PDE6C: variants seen among roughly 807,000 people sequenced by gnomAD.
PDE6C encodes the protein phosphodiesterase 6C, also known as cone cGMP-specific 3',5'-cyclic phosphodiesterase subunit alpha'.
A neutral mutation model predicts 113.1 loss-of-function variants in PDE6C; 75 were observed. That is an observed-to-expected ratio of 0.66 (90% CI 0.55 to 0.80). The LOEUF (loss-of-function observed/expected upper bound fraction) is 0.80. Ranked by LOEUF, PDE6C falls within the 30% of genes least tolerant of loss-of-function variation. The probability of loss-of-function intolerance (pLI) is 0.00; values close to 1 mark genes in which losing one functional copy is unlikely to be tolerated. For missense variants in PDE6C, 912 were observed against 1,038.6 expected, an observed-to-expected ratio of 0.88 and a Z score of 1.67; for synonymous variants, 375 against 363.7, an observed-to-expected ratio of 1.03 and a Z score of -0.35.
intron 11 of PDE6C, 72 bp from the exon 12 acceptor site, chr10:93,639,998 A>G (rs2058551217): frequency 6.6e-7 from 1 of 1,522,184 alleles, no homozygotes; most frequent in Non-Finnish European, 9.1e-7. Flanking sequence ...GTTTACACCC[A>G]ATGTTGGCTA....
intron 8 of PDE6C, among the ~76,000 whole-genome samples, chr10:93,632,404 C>A (rs1428824543): frequency 6.6e-6 from 1 of 152,286 alleles, no homozygotes; most frequent in South Asian, 2.1e-4. Context: ...CTTCCTTTAA[C>A]GTCAATTAAA....
chr10:93,636,899 T>G (rs2058535030), intron 10 of PDE6C, 96 bp from the exon 11 acceptor site: 5 of 758,068 alleles, frequency 6.6e-6, no homozygotes, highest in Non-Finnish European at 1.2e-5. Flanking sequence ...TCCCACATAT[T>G]TTAAATATAT....
At chr10:93,645,849 A>G in intron 14 of PDE6C, 111 bp from the exon 15 acceptor site, 2 of 721,946 alleles carry the variant, frequency 2.8e-6, no homozygotes, top group South Asian at 1.5e-5. Flanking sequence ...ACCACTTCAC[A>G]GATAATTGAG....
At chr10:93,628,896 A>C (rs947510223) in intron 7 of PDE6C, among the ~76,000 whole-genome samples, 4 of 152,150 alleles carry the variant, frequency 2.6e-5, no homozygotes, top group Non-Finnish European at 5.9e-5. Context: ...AAGAAGAAAA[A>C]AAGCAATCCT....
At chr10:93,619,046 G>T (rs1049165060) in intron 1 of PDE6C, among the ~76,000 whole-genome samples, 61 of 152,162 alleles carry the variant, frequency 4.0e-4, no homozygotes, top group Non-Finnish European at 7.3e-5. Flanking sequence ...GAAGTCCTAG[G>T]TTCAAAGGGA....
chr10:93,632,555 G>A (rs1024130831), intron 8 of PDE6C, among the ~76,000 whole-genome samples: 3 of 152,130 alleles, frequency 2.0e-5, no homozygotes, highest in African/African-American at 7.2e-5. Flanking sequence ...AATATGAACT[G>A]GTAGCAAATG....
At chr10:93,626,345 C>T (rs1262510932) in intron 5 of PDE6C, among the ~76,000 whole-genome samples, 1 of 152,210 alleles carries the variant, frequency 6.6e-6, no homozygotes, top group East Asian at 1.9e-4. Flanking sequence ...AACAGACTCT[C>T]TGATGATTTG....
intron 7 of PDE6C, among the ~76,000 whole-genome samples, chr10:93,628,875 GGAA>G (rs146137571): frequency 3.3e-5 from 5 of 152,124 alleles, no homozygotes; most frequent in Admixed American, 2.0e-4. Context: ...TCTCACTTTA[GGAA>G]GAAGAAGAAG....
At position 93,629,367 on chromosome 10, in the gene PDE6C, G is replaced by A. The variant is rs714551; in HGVS notation, c.1119+62G>A. On this transcript the variant is annotated intron_variant, in intron 8 of 21. Coordinates refer to ENST00000371447, the MANE Select transcript of PDE6C (RefSeq NM_006204.4). The stretch of plus-strand genomic sequence containing the variant: ...CTGGGGTAGAGGAGTGGATGCTCTC[G>A]CCTCTCCTCCACCCCCAGAGTCCGC... 0.32 allele frequency: 388,803 copies of A among 1,212,058 alleles called. 63,594 individuals are homozygous for A. The highest frequency in any genetic ancestry group is 0.46 in the East Asian group (19,861 of 42,818). The allele number at this position is 1,212,058 out of a possible 1,614,324, so 75.1% of individuals were successfully genotyped here.
In PDE6C at chr10:93,635,487, T is replaced by C. The variant is rs1373914100; in HGVS notation, c.1270-10T>C. The stretch of plus-strand genomic sequence containing the variant: ...TGAAGAGAATTAGAATCACCTTTTA[T>C]CCATTTCAGACTCTCACACAATTTC... On this transcript the variant is annotated splice_polypyrimidine_tract_variant and intron_variant, in intron 9 of 21. Coordinates refer to ENST00000371447, the MANE Select transcript of PDE6C (RefSeq NM_006204.4). The C allele has an allele frequency of 1.9e-6, 3 of 1,608,452 alleles. No homozygotes were observed. Among genetic ancestry groups the C allele is most frequent in the Non-Finnish European group, 2.6e-6 (3 of 1,174,926 alleles).
rs1371198434 is a variant in PDE6C, at chr10:93,634,887, C to T, written c.1249C>T (p.His417Tyr). The change falls in exon 9 of 22, where the codon CAT becomes TAT. Residue 417 changes from histidine (H) to tyrosine (Y), a missense_variant. His to Tyr is a moderately conservative substitution (Grantham distance 83). Transcript: ENST00000371447. ...NRKDGKPFDE[H>Y]DEYITETLTQ... is the part of the protein sequence containing the mutation. ...GAAGGATGGAAAACCTTTCGATGAG[C>T]ATGATGAATACATTACCGAGGCAAG... The T allele has an allele frequency of 4.3e-6, 7 of 1,613,840 alleles. No individual in the cohort carries two copies. The highest frequency in any genetic ancestry group is 1.6e-4 in the Middle Eastern group (1 of 6,082).
At chr10:93,642,647 A>G (rs1312920860) in intron 14 of PDE6C, among the ~76,000 whole-genome samples, 2 of 152,178 alleles carry the variant, frequency 1.3e-5, no homozygotes, top group South Asian at 2.1e-4. Context: ...TGGACAAGTC[A>G]TTTAATCTAT....
At position 93,662,580 on chromosome 10, in the gene PDE6C, A is replaced by G. The variant is rs768365686; in HGVS notation, c.2304A>G (p.Lys768=). The change falls in exon 20 of 22, where the codon AAA becomes AAG. Residue 768 remains lysine (K), a synonymous_variant. Transcript: ENST00000371447. ...TCTAGCCTATGATGGACAGAAACAA[A>G]AGAGATGAATTACCTAAACTTCAAG... is the stretch of plus-strand genomic sequence containing the variant. ...QQPIPMMDRN[K]RDELPKLQVG... 6.6e-6 allele frequency: 10 copies of G among 1,507,038 alleles called. No homozygotes were observed. The highest frequency in any genetic ancestry group is 9.2e-6 in the Non-Finnish European group (10 of 1,082,526). The allele number at this position is 1,507,038 out of a possible 1,614,324, so 93.4% of individuals were successfully genotyped here. A position where few individuals can be genotyped will look rare whatever the true frequency, so the allele number is the denominator to read the frequency against.
chr10:93,626,887 A>G lies in PDE6C; in HGVS notation c.1071+16A>G. On this transcript the variant is annotated intron_variant, in intron 7 of 21. Transcript: ENST00000371447. Reference sequence around the variant, plus strand: ...AAATGGATTTGTAAGTTATTGAACAAATTCAAATTTTAAATAATATTGCAA... The same window carrying G: ...AAATGGATTTGTAAGTTATTGAACAGATTCAAATTTTAAATAATATTGCAA... 3 of 1,601,036 alleles carry G rather than the reference A, an allele frequency of 1.9e-6. No individual in the cohort carries two copies. Among genetic ancestry groups the G allele is most frequent in the Non-Finnish European group, 2.6e-6 (3 of 1,169,506 alleles).
Position 93,622,212 on chromosome 10 carries a change from T to G in PDE6C, c.864+140T>G, listed in dbSNP as rs112016424. The G allele has an allele frequency of 3.3e-5, 30 of 914,832 alleles. No individual in the cohort carries two copies. In the Admixed American group the frequency reaches 5.4e-4, roughly 16 times the overall value. The allele number at this position is 914,832 out of a possible 1,614,324, so 56.7% of individuals were successfully genotyped here. A position where few individuals can be genotyped will look rare whatever the true frequency, so the allele number is the denominator to read the frequency against. On this transcript the variant is annotated intron_variant, in intron 4 of 21. Transcript: ENST00000371447. ...TGACAAGAACAGAGGTAAAAGTGTG[T>G]GTCTTGGAGCAAAAAAGATGTAGGC...
chr10:93,662,671 T>A, intron 20 of PDE6C, 28 bp downstream of exon 20: 1 of 1,013,160 alleles, frequency 9.9e-7, no homozygotes, highest in Non-Finnish European at 1.6e-6. Context: ...TTGAATTAAA[T>A]ACATAAACAT....
rs11187578 is a variant in PDE6C, at chr10:93,661,798, T to A, written c.2209-261T>A. ...TAATCCTCCTATTTCTCCTTTTCGT[T>A]GGTGAGAAGTGGTGGCAATCGTAAA... On this transcript the variant is annotated intron_variant, in intron 18 of 21. Coordinates refer to ENST00000371447, the MANE Select transcript of PDE6C (RefSeq NM_006204.4). Among the ~76,000 whole-genome samples the A allele has an allele frequency of 1.6e-4, 25 of 152,314 alleles. 1 individual carries two copies. The East Asian group carries it at 4.4e-3, about 27-fold the overall frequency.
At chr10:93,642,407 C>A (rs1177122215) in intron 14 of PDE6C, among the ~76,000 whole-genome samples, 1 of 152,130 alleles carries the variant, frequency 6.6e-6, no homozygotes, top group Admixed American at 6.6e-5. Context: ...ATTATGGTTA[C>A]TATTATTGTT....
chr10:93,657,847 T>C (rs1232908087), intron 16 of PDE6C, among the ~76,000 whole-genome samples: 2 of 152,006 alleles, frequency 1.3e-5, no homozygotes, highest in Non-Finnish European at 2.9e-5. Flanking sequence ...TCCTGAGAAG[T>C]TGTGCCAGTT....
Sources: allele counts gnomAD v4.1 joint callset (sites outside exome capture counted in the v4.1 genomes callset), GRCh38; gene constraint gnomAD v4.1.1; transcripts MANE v1.5; gene names NCBI Gene and HGNC (gene_info 2026-07-23, HGNC 2026-07-21).